TMPRSS15: variants seen among roughly 807,000 people sequenced by gnomAD.
The protein encoded by TMPRSS15 is transmembrane serine protease 15.
A neutral mutation model predicts 125.3 loss-of-function variants in TMPRSS15; 128 were observed. The observed-to-expected ratio is 1.02, with a 90% CI of 0.89 to 1.18. The LOEUF is 1.18. Among genes scored for constraint, TMPRSS15 ranks in the 50% most tolerant of loss-of-function variants. The probability of loss-of-function intolerance (pLI) is 0.00; values close to 1 mark genes in which losing one functional copy is unlikely to be tolerated. For missense variants in TMPRSS15, 1,283 were observed against 1,212.7 expected (o/e 1.06, Z -0.86); for synonymous variants, 446 against 423.2 (o/e 1.05, Z -0.66).
chr21:18,353,648 T>A, intron 9 of TMPRSS15, 75 bp downstream of exon 9: 1 of 1,395,366 alleles, frequency 7.2e-7, no homozygotes, highest in Admixed American at 1.9e-5. Context: ...AATTTTAGAT[T>A]CTGCTACCTT....
rs2075798862 is a variant in TMPRSS15 at position 18,372,214 on chromosome 21, C to T, written c.643G>A (p.Asp215Asn). Residue 215 changes from aspartate to asparagine, a missense_variant, in exon 6 of 25, where the codon GAC (aspartate) becomes AAC (asparagine). Physicochemically the swap from Asp to Asn is conservative, Grantham distance 23. Coordinates refer to ENST00000284885, the MANE Select transcript of TMPRSS15 (RefSeq NM_002772.3). ...DGEVNCPDGS[D>N]EDNKMCATVC... ...TTACCACACATTTTATTGTCTTCGT[C>T]AGAACCATCTGGACAGTTTACTTCT... 1 of 1,610,496 alleles carries T rather than the reference C, an allele frequency of 6.2e-7. No individual in the cohort carries two copies. Among genetic ancestry groups the T allele is most frequent in the Non-Finnish European group, 8.5e-7 (1 of 1,178,160 alleles).
chr21:18,484,869 T>C (rs1271833935), intron 1 of TMPRSS15, among the ~76,000 whole-genome samples: 1 of 151,854 alleles, frequency 6.6e-6, no homozygotes, highest in African/African-American at 2.4e-5. Context: ...TTTTTATCTT[T>C]CTTCTGTAAG....
At chr21:18,349,849 T>C (rs1460965357) in intron 10 of TMPRSS15, among the ~76,000 whole-genome samples, 1 of 152,184 alleles carries the variant, frequency 6.6e-6, no homozygotes, top group African/African-American at 2.4e-5. Flanking sequence ...TTTCCTTAGT[T>C]ATTTAATCTG....
intron 10 of TMPRSS15, among the ~76,000 whole-genome samples, chr21:18,349,874 A>C (rs1475893): frequency 0.74 from 111,933 of 152,086 alleles, 41,305 homozygotes; most frequent in East Asian, 0.85. Flanking sequence ...CAAGCCGAAA[A>C]CATTTTCCCC....
intron 1 of TMPRSS15, among the ~76,000 whole-genome samples, chr21:18,435,235 T>C (rs1181106853): frequency 6.6e-6 from 1 of 152,204 alleles, no homozygotes; most frequent in Admixed American, 6.5e-5. Flanking sequence ...GCTTCCAGTT[T>C]TTGCCCATTC....
chr21:18,450,990 C>A (rs567390756), intron 1 of TMPRSS15, among the ~76,000 whole-genome samples: 1 of 146,186 alleles, frequency 6.8e-6, no homozygotes, highest in African/African-American at 2.4e-5. Context: ...CTTATCCTAC[C>A]CATTTTAAGA....
chr21:18,289,097 T>G (rs1300086058), intron 21 of TMPRSS15, among the ~76,000 whole-genome samples: 1 of 152,186 alleles, frequency 6.6e-6, no homozygotes. Context: ...AAAATCCAAA[T>G]TTTAAGTGGT....
intron 10 of TMPRSS15, among the ~76,000 whole-genome samples, chr21:18,349,682 G>C (rs867105353): frequency 5.9e-5 from 9 of 152,202 alleles, no homozygotes; most frequent in Admixed American, 3.3e-4. Context: ...AGTTGGAGAG[G>C]ACCTATTAAA....
At chr21:18,280,575 C>CAAAAAAAAAAAAAAAAAAAAAAAAAAAA (rs1230513414) in intron 22 of TMPRSS15, among the ~76,000 whole-genome samples, 13 of 48,336 alleles carry the variant, frequency 2.7e-4, no homozygotes, top group African/African-American at 1.0e-3. Context: ...GACTCCGTCT[C>CAAAAAAAAAAAAAAAAAAAAAAAAAAAA]AAAAAAAAAA....
At chr21:18,294,961 A>T (rs1287534470) in intron 19 of TMPRSS15, among the ~76,000 whole-genome samples, 60 of 152,244 alleles carry the variant, frequency 3.9e-4, no homozygotes, top group Admixed American at 3.9e-3. Flanking sequence ...AATAAAAAGC[A>T]ATATTTGCAA....
In TMPRSS15 at chr21:18,451,079, T is replaced by A. The variant is rs184513389; in HGVS notation, c.10+34720A>T. Among the ~76,000 whole-genome samples the A allele has an allele frequency of 3.2e-3, 486 of 152,240 alleles. 6 individuals are homozygous for A. Among genetic ancestry groups the A allele is most frequent in the African/African-American group, 6.7e-3 (279 of 41,556 alleles). On this transcript the variant is annotated intron_variant, in intron 1 of 7. Transcript: ENST00000422787. ...TATGCAAAAGATTCTCTTTTTTTTT[T>A]AAAATACACTGAATCCTCCTTTTTT... is the stretch of plus-strand genomic sequence containing the variant.
chr21:18,385,017 T>C (rs2123064607), intron 3 of TMPRSS15, among the ~76,000 whole-genome samples: 1 of 152,306 alleles, frequency 6.6e-6, no homozygotes, highest in Non-Finnish European at 1.5e-5. Context: ...CATGGCACTA[T>C]TCAGTTTCAC....
At chr21:18,387,956 T>A (rs2075959982) in intron 3 of TMPRSS15, among the ~76,000 whole-genome samples, 1 of 152,166 alleles carries the variant, frequency 6.6e-6, no homozygotes. Context: ...ATGAGTCTTC[T>A]ACTGTTTCCT....
intron 10 of TMPRSS15, among the ~76,000 whole-genome samples, chr21:18,352,298 A>C (rs2075577870): frequency 6.6e-6 from 1 of 152,092 alleles, no homozygotes; most frequent in Admixed American, 6.6e-5. Flanking sequence ...ATTCAGATGA[A>C]AAATGTACTT....
chr21:18,368,035 TA>T (rs2075755479), intron 6 of TMPRSS15, among the ~76,000 whole-genome samples: 1 of 152,150 alleles, frequency 6.6e-6, no homozygotes, highest in Non-Finnish European at 1.5e-5. Flanking sequence ...TCAATGTTCT[TA>T]AAGTTAGAAT....
chr21:18,473,544 T>A (rs915499449), intron 1 of TMPRSS15, among the ~76,000 whole-genome samples: 3 of 152,108 alleles, frequency 2.0e-5, no homozygotes, highest in African/African-American at 7.2e-5. Context: ...TCTTTTTATT[T>A]TACCCATTAT....
At chr21:18,322,689 A>G (rs538967716) in intron 16 of TMPRSS15, among the ~76,000 whole-genome samples, 62 of 152,284 alleles carry the variant, frequency 4.1e-4, no homozygotes, top group African/African-American at 1.4e-3. Context: ...TTTCATGAAG[A>G]TAGTAAATAG....
At chr21:18,381,086 G>C (rs2075888880) in intron 4 of TMPRSS15, among the ~76,000 whole-genome samples, 1 of 152,096 alleles carries the variant, frequency 6.6e-6, no homozygotes, top group Admixed American at 6.6e-5. Context: ...ATGTTTGATA[G>C]TTTTAAAAGG....
intron 8 of TMPRSS15, among the ~76,000 whole-genome samples, chr21:18,355,591 G>A (rs1243080673): frequency 6.6e-6 from 1 of 151,738 alleles, no homozygotes; most frequent in Non-Finnish European, 1.5e-5. Flanking sequence ...GGAGGGTAGT[G>A]GTTAAGAGCA....
Sources: gnomAD v4.1 joint callset for allele counts (sites outside exome capture counted in the v4.1 genomes callset) on GRCh38, gnomAD v4.1.1 for gene constraint, MANE v1.5 for transcripts, NCBI Gene and HGNC (gene_info 2026-07-23, HGNC 2026-07-21) for gene names.